The following EYS variants were observed in gnomAD, a reference collection of about 807,000 sequenced individuals.
The protein encoded by EYS is protein eyes shut homolog.
In EYS, 250 loss-of-function variants were observed where a neutral mutation model predicts 282.1. That is an observed-to-expected ratio of 0.89 (90% CI 0.80 to 0.98). The LOEUF is 0.98. Ranked by LOEUF, EYS falls within the 50% of genes least tolerant of loss-of-function variation. EYS has a pLI of 0.00. For missense variants in EYS, 4,016 were observed against 3,709.0 expected (o/e 1.08, Z -2.15); for synonymous variants, 1,355 against 1,282.9 (o/e 1.06, Z -1.20).
intron 35 of EYS, among the ~76,000 whole-genome samples, chr6:63,965,428 G>T (rs1409789762): frequency 6.6e-6 from 1 of 151,990 alleles, no homozygotes; most frequent in African/African-American, 2.4e-5. Context: ...ATTTTTAATT[G>T]GTTTGTTTTC....
At chr6:63,810,490 A>G (rs1771020936) in intron 36 of EYS, among the ~76,000 whole-genome samples, 1 of 152,124 alleles carries the variant, frequency 6.6e-6, no homozygotes, top group South Asian at 2.1e-4. Flanking sequence ...GGCTGGTAGT[A>G]AAACATGAGC....
intron 41 of EYS, chr6:63,741,796 C>G: frequency 1.6e-6 from 1 of 618,916 alleles, no homozygotes; most frequent in Non-Finnish European, 3.0e-6. Flanking sequence ...CAACATTTCA[C>G]CTAATTCTAA....
intron 35 of EYS, among the ~76,000 whole-genome samples, chr6:63,918,157 G>A (rs544924558): frequency 5.3e-5 from 8 of 152,268 alleles, no homozygotes; most frequent in Non-Finnish European, 1.0e-4. Flanking sequence ...TAATACTCCT[G>A]ATGGGAATTA....
At chr6:65,572,150 T>A (rs1764501028) in intron 2 of EYS, among the ~76,000 whole-genome samples, 1 of 152,092 alleles carries the variant, frequency 6.6e-6, no homozygotes, top group South Asian at 2.1e-4. Context: ...GTTTAATTAT[T>A]GAATAAATAT....
At chr6:63,849,460 G>A (rs1042632878) in intron 36 of EYS, among the ~76,000 whole-genome samples, 14 of 152,178 alleles carry the variant, frequency 9.2e-5, no homozygotes, top group African/African-American at 3.4e-4. Flanking sequence ...TCTGTCTGGT[G>A]CCCCTCTGGG....
intron 35 of EYS, among the ~76,000 whole-genome samples, chr6:63,950,146 T>C (rs1765528326): frequency 1.3e-5 from 2 of 151,670 alleles, no homozygotes; most frequent in East Asian, 1.9e-4. Context: ...CACTCCAGCA[T>C]TGGCAACAGA....
chr6:63,783,508 A>G (rs964067789), intron 39 of EYS, among the ~76,000 whole-genome samples: 11 of 152,128 alleles, frequency 7.2e-5, no homozygotes, highest in African/African-American at 2.7e-4. Flanking sequence ...GAGATCTGTT[A>G]TCAGTAAAAA....
intron 15 of EYS, among the ~76,000 whole-genome samples, chr6:64,929,378 G>T (rs907555180): frequency 1.7e-4 from 26 of 152,082 alleles, no homozygotes; most frequent in African/African-American, 6.3e-4. Flanking sequence ...TGAAATAAGA[G>T]AGTTCATTTA....
intron 11 of EYS, among the ~76,000 whole-genome samples, chr6:65,305,634 G>T (rs1768984426): frequency 6.6e-6 from 1 of 152,054 alleles, no homozygotes; most frequent in African/African-American, 2.4e-5. Flanking sequence ...TGCCTCAGGG[G>T]TCCCCTGAAA....
chr6:65,054,401 A>T (rs1773356433), intron 13 of EYS, among the ~76,000 whole-genome samples: 1 of 152,034 alleles, frequency 6.6e-6, no homozygotes, highest in Non-Finnish European at 1.5e-5. Context: ...GAAATGAAAA[A>T]GTTAAAAACT....
At chr6:65,446,686 G>C (rs1238735121) in intron 5 of EYS, among the ~76,000 whole-genome samples, 2 of 151,820 alleles carry the variant, frequency 1.3e-5, no homozygotes, top group Non-Finnish European at 2.9e-5. Flanking sequence ...CATTGTTCTT[G>C]ATTGTACTTT....
intron 36 of EYS, among the ~76,000 whole-genome samples, chr6:63,861,302 A>G (rs1409130010): frequency 6.6e-6 from 1 of 152,202 alleles, no homozygotes; most frequent in African/African-American, 2.4e-5. Flanking sequence ...GCAAGTTCTG[A>G]ATATTATATC....
chr6:65,690,825 A>G (rs1314921951), intron 1 of EYS, among the ~76,000 whole-genome samples: 1 of 149,852 alleles, frequency 6.7e-6, no homozygotes, highest in Non-Finnish European at 1.5e-5. Flanking sequence ...GAGTGAGAAC[A>G]TGTGGTGTTC....
rs188384225 is a variant in EYS, at chr6:64,614,100, C to T, written c.3684+3318G>A. ...TTAAAGGCTTACCCTCTCCCTACAC[C>T]TTACTGCCATATCAACAGGGATCTT... On this transcript the variant is annotated intron_variant, in intron 24 of 42. Transcript: ENST00000503581. 5.3e-3 allele frequency among the ~76,000 whole-genome samples: 813 copies of T among 152,196 alleles called. 1 individual carries two copies. Among genetic ancestry groups the T allele is most frequent in the Non-Finnish European group, 9.7e-3 (661 of 67,998 alleles).
chr6:64,622,362 G>T (rs1015489022), intron 23 of EYS, among the ~76,000 whole-genome samples: 5 of 150,194 alleles, frequency 3.3e-5, no homozygotes, highest in African/African-American at 9.7e-5. Context: ...CCCAAGGACT[G>T]ATTATGATAC....
chr6:65,338,972 A>G (rs1422942221), intron 10 of EYS, among the ~76,000 whole-genome samples: 2 of 151,216 alleles, frequency 1.3e-5, no homozygotes, highest in Non-Finnish European at 3.0e-5. Flanking sequence ...GTAATTTTCT[A>G]GAAATAATTT....
At chr6:64,473,390 T>A (rs1776176551) in intron 26 of EYS, among the ~76,000 whole-genome samples, 1 of 152,132 alleles carries the variant, frequency 6.6e-6, no homozygotes, top group African/African-American at 2.4e-5. Flanking sequence ...TACTTTAACA[T>A]GAATAAATAG....
chr6:64,411,995 G>C (rs891099799), intron 28 of EYS, among the ~76,000 whole-genome samples: 4 of 83,822 alleles, frequency 4.8e-5, no homozygotes, highest in African/African-American at 1.5e-4. Flanking sequence ...TGATAAATGT[G>C]TATTAGTAAA....
At chr6:64,451,477 G>T (rs1481821443) in intron 26 of EYS, among the ~76,000 whole-genome samples, 1 of 152,058 alleles carries the variant, frequency 6.6e-6, no homozygotes, top group Non-Finnish European at 1.5e-5. Flanking sequence ...CCAATCAATA[G>T]AAAAAGAGGG....
Sources: gnomAD v4.1 joint callset for allele counts (sites outside exome capture counted in the v4.1 genomes callset) on GRCh38, gnomAD v4.1.1 for gene constraint, MANE v1.5 for transcripts, NCBI Gene and HGNC (gene_info 2026-07-23, HGNC 2026-07-21) for gene names.